The following IL15 variants were observed in gnomAD, a reference collection of about 807,000 sequenced individuals.
The protein encoded by IL15 is interleukin-15.
A neutral mutation model predicts 19.6 loss-of-function variants in IL15; 11 were observed. The observed-to-expected ratio is 0.56, with a 90% CI of 0.35 to 0.93. IL15 has a LOEUF of 0.93. Among genes scored for constraint, IL15 ranks in the 40% least tolerant of loss-of-function variants. The probability of loss-of-function intolerance (pLI) is 0.01; values close to 1 mark genes in which losing one functional copy is unlikely to be tolerated. For missense variants in IL15, 197 were observed against 186.5 expected (o/e 1.06, Z -0.33); for synonymous variants, 58 against 59.6 (o/e 0.97, Z 0.12).
chr4:141,723,321 G>A (rs1730153387), intron 5 of IL15, among the ~76,000 whole-genome samples: 1 of 152,074 alleles, frequency 6.6e-6, no homozygotes, highest in Admixed American at 6.6e-5. Flanking sequence ...CTAGAGTAGG[G>A]GGGGCCCTAA....
intron 2 of IL15, among the ~76,000 whole-genome samples, chr4:141,661,322 A>G (rs546661133): frequency 6.6e-6 from 1 of 152,310 alleles, no homozygotes. Context: ...AAACTCAAAT[A>G]GGGAGTCATT....
intron 2 of IL15, among the ~76,000 whole-genome samples, chr4:141,703,043 G>A (rs1005453443): frequency 3.3e-5 from 5 of 152,112 alleles, no homozygotes; most frequent in Admixed American, 2.0e-4. Flanking sequence ...GGGAGTAGCC[G>A]GCAGCAGTAA....
intron 1 of IL15, among the ~76,000 whole-genome samples, chr4:141,647,896 A>C (rs903273745): frequency 6.6e-6 from 1 of 151,972 alleles, no homozygotes; most frequent in African/African-American, 2.4e-5. Flanking sequence ...ATCTGTGTTC[A>C]TATTGCCTCT....
At chr4:141,665,963 A>G (rs1727956910) in intron 2 of IL15, among the ~76,000 whole-genome samples, 1 of 152,154 alleles carries the variant, frequency 6.6e-6, no homozygotes, top group East Asian at 1.9e-4. Context: ...AGCAGCTTCC[A>G]AACAGCTTTT....
intron 2 of IL15, among the ~76,000 whole-genome samples, chr4:141,685,767 G>T (rs1029072597): frequency 6.6e-6 from 1 of 152,164 alleles, no homozygotes; most frequent in Non-Finnish European, 1.5e-5. Context: ...TGAATGAAAA[G>T]ATTTATCAGA....
intron 2 of IL15, among the ~76,000 whole-genome samples, chr4:141,712,967 G>C (rs1157965973): frequency 6.6e-6 from 1 of 151,656 alleles, no homozygotes; most frequent in African/African-American, 2.4e-5. Context: ...AAATTTATAG[G>C]CCTTATAAAC....
intron 2 of IL15, 145 bp from the exon 3 acceptor site, chr4:141,719,221 T>G: frequency 2.8e-6 from 1 of 363,170 alleles, no homozygotes. Context: ...CTCCATACCA[T>G]TATTGTAAAG....
chr4:141,705,963 A>G (rs1335842962), intron 2 of IL15, among the ~76,000 whole-genome samples: 1 of 151,604 alleles, frequency 6.6e-6, no homozygotes, highest in African/African-American at 2.4e-5. Flanking sequence ...AGTCTGTGTT[A>G]TGCTTGTTGG....
At chr4:141,701,359 C>A (rs561600502) in intron 2 of IL15, among the ~76,000 whole-genome samples, 1 of 149,318 alleles carries the variant, frequency 6.7e-6, no homozygotes, top group African/African-American at 2.5e-5. Context: ...TAATTTAATT[C>A]TTGGTGCTTT....
intron 2 of IL15, among the ~76,000 whole-genome samples, chr4:141,683,073 A>G (rs927306564): frequency 4.0e-5 from 6 of 150,836 alleles, no homozygotes; most frequent in African/African-American, 1.5e-4. Context: ...GATCAAGACC[A>G]TCCTAGCCAA....
At chr4:141,722,059 G>A (rs1292138335) in intron 5 of IL15, 51 bp downstream of exon 5, 1 of 1,482,418 alleles carries the variant, frequency 6.7e-7, no homozygotes, top group Non-Finnish European at 9.1e-7. Context: ...TATGGAGTTT[G>A]TCTCTCTCTG....
At chr4:141,657,187 C>T (rs2152159280) in intron 2 of IL15, among the ~76,000 whole-genome samples, 1 of 152,084 alleles carries the variant, frequency 6.6e-6, no homozygotes, top group Admixed American at 6.5e-5. Context: ...TATCTAAACA[C>T]AGAAAAGATA....
intron 2 of IL15, among the ~76,000 whole-genome samples, chr4:141,702,699 G>A (rs754936174): frequency 2.1e-4 from 32 of 152,234 alleles, no homozygotes; most frequent in Non-Finnish European, 4.4e-4. Context: ...CTCCAGCCAG[G>A]AGGTGGCGCT....
At chr4:141,689,409 GA>G (rs1280078152) in intron 2 of IL15, among the ~76,000 whole-genome samples, 1 of 152,172 alleles carries the variant, frequency 6.6e-6, no homozygotes, top group African/African-American at 2.4e-5. Flanking sequence ...GTCCCCACCA[GA>G]TTAGCTAGAT....
At chr4:141,699,399 A>G (rs973756632) in intron 2 of IL15, among the ~76,000 whole-genome samples, 1 of 152,142 alleles carries the variant, frequency 6.6e-6, no homozygotes, top group Non-Finnish European at 1.5e-5. Flanking sequence ...TTCTAACTTC[A>G]TGATCGACCT....
intron 2 of IL15, among the ~76,000 whole-genome samples, chr4:141,670,120 A>G (rs1408324471): frequency 6.6e-6 from 1 of 151,708 alleles, no homozygotes; most frequent in African/African-American, 2.4e-5. Context: ...AATTAATAAA[A>G]TTTTTCAAAT....
At chr4:141,730,057 AAGCAG>A in intron 7 of IL15, 73 bp downstream of exon 7, 1 of 1,191,746 alleles carries the variant, frequency 8.4e-7, no homozygotes. Context: ...ATTCATGGAC[AAGCAG>A]ATCCTCCTAA....
chr4:141,686,485 C>A (rs1728718067), intron 2 of IL15, among the ~76,000 whole-genome samples: 2 of 152,122 alleles, frequency 1.3e-5, no homozygotes, highest in South Asian at 4.1e-4. Context: ...CAAATCCTGA[C>A]ACTGCCTACT....
At chr4:141,668,710 C>T (rs1053324733) in intron 2 of IL15, among the ~76,000 whole-genome samples, 1 of 152,164 alleles carries the variant, frequency 6.6e-6, no homozygotes, top group African/African-American at 2.4e-5. Context: ...GCATCACATC[C>T]TTTTTCTCCT....
Sources: gnomAD v4.1 joint callset for allele counts (sites outside exome capture counted in the v4.1 genomes callset) on GRCh38, gnomAD v4.1.1 for gene constraint, MANE v1.5 for transcripts, NCBI Gene and HGNC (gene_info 2026-07-23, HGNC 2026-07-21) for gene names.